TEAD1: variants seen among roughly 807,000 people sequenced by gnomAD.
The protein encoded by TEAD1 is transcriptional enhancer factor TEF-1.
A neutral mutation model predicts 54.9 loss-of-function variants in TEAD1; 9 were observed. That is an observed-to-expected ratio of 0.16 (90% CI 0.10 to 0.29). The LOEUF is 0.29. Ranked by LOEUF, TEAD1 falls within the 10% of genes least tolerant of loss-of-function variation. The probability of loss-of-function intolerance (pLI) is 1.00; values close to 1 mark genes in which losing one functional copy is unlikely to be tolerated. For missense variants in TEAD1, 387 were observed against 535.9 expected, an observed-to-expected ratio of 0.72 and a Z score of 2.74; for synonymous variants, 200 against 187.8, an observed-to-expected ratio of 1.07 and a Z score of -0.53.
intron 3 of TEAD1, among the ~76,000 whole-genome samples, chr11:12,824,570 C>T (rs770892192): frequency 9.2e-5 from 14 of 152,174 alleles, no homozygotes; most frequent in Non-Finnish European, 1.6e-4. Flanking sequence ...AAAAGAAGTC[C>T]GGCTGCTTTG....
At chr11:12,931,614 G>C (rs565406395) in intron 12 of TEAD1, among the ~76,000 whole-genome samples, 2 of 152,166 alleles carry the variant, frequency 1.3e-5, no homozygotes, top group African/African-American at 4.8e-5. Flanking sequence ...CTGTTTCCCA[G>C]TTTCCCAAAA....
intron 3 of TEAD1, among the ~76,000 whole-genome samples, chr11:12,788,311 T>C (rs1945724119): frequency 6.6e-6 from 1 of 152,096 alleles, no homozygotes; most frequent in Admixed American, 6.5e-5. Flanking sequence ...TTTGTATTTT[T>C]AGTAGTGACG....
intron 10 of TEAD1, among the ~76,000 whole-genome samples, chr11:12,905,276 C>T (rs555779415): frequency 6.6e-6 from 1 of 152,240 alleles, no homozygotes; most frequent in South Asian, 2.1e-4. Flanking sequence ...GCCCTTCAGT[C>T]ATGAATCCTC....
At chr11:12,911,013 C>CT (rs564713483) in intron 10 of TEAD1, among the ~76,000 whole-genome samples, 15 of 152,280 alleles carry the variant, frequency 9.9e-5, no homozygotes, top group African/African-American at 3.4e-4. Flanking sequence ...TCCCAAAGTG[C>CT]TGGGATTACA....
chr11:12,804,551 A>G (rs184483511), intron 3 of TEAD1, among the ~76,000 whole-genome samples: 1 of 151,940 alleles, frequency 6.6e-6, no homozygotes, highest in Non-Finnish European at 1.5e-5. Flanking sequence ...AGTGACAAAC[A>G]TGTGTTGTAA....
intron 11 of TEAD1, among the ~76,000 whole-genome samples, chr11:12,929,163 C>CGTGTGTGT (rs60060462): frequency 0.08 from 8,503 of 106,612 alleles, 401 homozygotes; most frequent in Non-Finnish European, 0.11. Flanking sequence ...TTTGCTTTGC[C>CGTGTGTGT]GTGTGTGTGT....
chr11:12,934,974 T>G (rs1328496805), intron 12 of TEAD1, among the ~76,000 whole-genome samples: 1 of 152,000 alleles, frequency 6.6e-6, no homozygotes, highest in African/African-American at 2.4e-5. Context: ...CCTCGATGGA[T>G]AAGGAGACAT....
At chr11:12,681,924 TC>T (rs1943231864) in intron 2 of TEAD1, among the ~76,000 whole-genome samples, 1 of 152,234 alleles carries the variant, frequency 6.6e-6, no homozygotes, top group Admixed American at 6.5e-5. Flanking sequence ...CTGTTCCTGC[TC>T]CAGGAAGCTC....
intron 2 of TEAD1, among the ~76,000 whole-genome samples, chr11:12,753,449 G>T (rs1944918638): frequency 6.6e-6 from 1 of 152,160 alleles, no homozygotes; most frequent in East Asian, 1.9e-4. Flanking sequence ...TCTCTTTACT[G>T]TAGCTCTTCT....
intron 2 of TEAD1, among the ~76,000 whole-genome samples, chr11:12,736,220 A>G (rs549879431): frequency 9.8e-4 from 149 of 152,186 alleles, no homozygotes; most frequent in African/African-American, 3.2e-3. Context: ...CTCATTTACT[A>G]TTTCTATTCA....
intron 3 of TEAD1, among the ~76,000 whole-genome samples, chr11:12,860,929 A>T (rs1947486717): frequency 6.6e-6 from 1 of 152,220 alleles, no homozygotes; most frequent in Non-Finnish European, 1.5e-5. Flanking sequence ...TTGAAGGAGA[A>T]ATAGAATCTA....
intron 5 of TEAD1, among the ~76,000 whole-genome samples, chr11:12,876,854 A>G (rs78639119): frequency 0.029 from 4,420 of 152,252 alleles, 229 homozygotes; most frequent in African/African-American, 0.1. Flanking sequence ...GACTAGGGCC[A>G]TGGTTTCTGT....
chr11:12,871,177 G>A (rs1947737717), intron 5 of TEAD1, among the ~76,000 whole-genome samples: 1 of 152,206 alleles, frequency 6.6e-6, no homozygotes, highest in Non-Finnish European at 1.5e-5. Flanking sequence ...AAAATCCTGA[G>A]GATGCTGAGT....
At chr11:12,726,644 C>A (rs371245600) in intron 2 of TEAD1, among the ~76,000 whole-genome samples, 1 of 151,894 alleles carries the variant, frequency 6.6e-6, no homozygotes, top group African/African-American at 2.4e-5. Flanking sequence ...TGAGGCTGGC[C>A]AATTGCTTGA....
At chr11:12,706,731 C>A (rs1458434907) in intron 2 of TEAD1, among the ~76,000 whole-genome samples, 2 of 152,166 alleles carry the variant, frequency 1.3e-5, no homozygotes, top group Non-Finnish European at 2.9e-5. Flanking sequence ...TCTGGTGTGG[C>A]CGGGCCAGAT....
In TEAD1 at chr11:12,694,932, A is replaced by C. The variant is rs1590059494; in HGVS notation, c.-55+19371A>C. Among the ~76,000 whole-genome samples the C allele has an allele frequency of 2.6e-5, 4 of 152,382 alleles. No individual in the cohort carries two copies. In the East Asian group the frequency reaches 7.7e-4, roughly 29 times the overall value. Reference sequence around the variant, plus strand: ...TGGAAAAAAATTTGAGATGATGAGCAGTTAGATATTGATGCTACCTTTTAA... The same window carrying C: ...TGGAAAAAAATTTGAGATGATGAGCCGTTAGATATTGATGCTACCTTTTAA... On this transcript the variant is annotated intron_variant, in intron 2 of 12. Transcript: ENST00000527636.
In TEAD1 at chr11:12,759,601, G is replaced by A. The variant is rs373652910; in HGVS notation, c.-54-4578G>A. ...TTTCCAGCTGGGCGCGGTGGCTCACGCCTGTAATCCCAGCACTTTGGGAGT... is the reference window on the plus strand; with the variant it reads ...TTTCCAGCTGGGCGCGGTGGCTCACACCTGTAATCCCAGCACTTTGGGAGT... On this transcript the variant is annotated intron_variant, in intron 2 of 12. Coordinates refer to ENST00000527636, the MANE Select transcript of TEAD1 (RefSeq NM_021961.6). Among the ~76,000 whole-genome samples the A allele has an allele frequency of 2.8e-3, 425 of 152,310 alleles. 3 individuals are homozygous for A. The highest frequency in any genetic ancestry group is 9.7e-3 in the African/African-American group (403 of 41,566).
At chr11:12,677,510 T>A (rs777150166) in intron 2 of TEAD1, among the ~76,000 whole-genome samples, 5 of 152,130 alleles carry the variant, frequency 3.3e-5, no homozygotes, top group Non-Finnish European at 7.4e-5. Context: ...AAATAAGTCA[T>A]AAGGAAAAAA....
chr11:12,802,506 G>A (rs1223045805), intron 3 of TEAD1, among the ~76,000 whole-genome samples: 2 of 151,964 alleles, frequency 1.3e-5, no homozygotes, highest in Admixed American at 1.3e-4. Flanking sequence ...ACCGCCGCCC[G>A]ACCCTTCACA....
Sources: allele counts gnomAD v4.1 joint callset (sites outside exome capture counted in the v4.1 genomes callset), GRCh38; gene constraint gnomAD v4.1.1; transcripts MANE v1.5; gene names NCBI Gene and HGNC (gene_info 2026-07-23, HGNC 2026-07-21).